SNX29: variants seen among roughly 807,000 people sequenced by gnomAD.
SNX29 encodes the protein sorting nexin-29.
Under a neutral mutation model 102.1 loss-of-function variants are expected in SNX29, and 78 were observed. The observed-to-expected ratio is 0.76, with a 90% CI of 0.64 to 0.92. SNX29 has a LOEUF of 0.92. Ranked by LOEUF, SNX29 falls within the 40% of genes least tolerant of loss-of-function variation. The probability of loss-of-function intolerance (pLI) is 0.00; values close to 1 mark genes in which losing one functional copy is unlikely to be tolerated. For missense variants in SNX29, 1,280 were observed against 1,061.7 expected (o/e 1.21, Z -2.86); for synonymous variants, 580 against 414.5 (o/e 1.40, Z -4.85).
intron 18 of SNX29, among the ~76,000 whole-genome samples, chr16:12,414,723 A>G (rs1392902965): frequency 6.6e-6 from 1 of 151,926 alleles, no homozygotes; most frequent in Non-Finnish European, 1.5e-5. Context: ...ATTTGTTGGT[A>G]TGTATGTATG....
intron 19 of SNX29, among the ~76,000 whole-genome samples, chr16:12,503,154 C>T (rs1056021324): frequency 1.3e-5 from 2 of 152,124 alleles, no homozygotes; most frequent in Non-Finnish European, 2.9e-5. Flanking sequence ...CTGCCCATAC[C>T]CTGCTGGGTG....
Position 12,245,076 on chromosome 16 carries a change from C to T in SNX29, c.1679-32857C>T, listed in dbSNP as rs543687732. On this transcript the variant is annotated intron_variant, in intron 14 of 20. Coordinates refer to ENST00000566228, the MANE Select transcript of SNX29 (RefSeq NM_032167.5). ...ACAGTGATAGAAAACATTGATTCCC[C>T]GCCCCCCTAACAAAAATTACTCCTA... 1.2e-4 allele frequency among the ~76,000 whole-genome samples: 19 copies of T among 152,218 alleles called. No individual in the cohort carries two copies. The South Asian group carries it at 2.3e-3, about 18-fold the overall frequency.
rs546745930 is a variant in SNX29, at chr16:12,529,474, C to T, written c.2318+4633C>T. 3.3e-5 allele frequency among the ~76,000 whole-genome samples: 5 copies of T among 152,298 alleles called. No homozygotes were observed. In the East Asian group the frequency reaches 9.6e-4, roughly 29 times the overall value. On this transcript the variant is annotated intron_variant, in intron 20 of 20. Coordinates refer to ENST00000566228, the MANE Select transcript of SNX29 (RefSeq NM_032167.5). ...CTGGACCGCAAATCGGTGACAGCTT[C>T]AGTGATTTGCCGTGCTGTCATTTAG...
At chr16:12,426,978 T>A (rs2085106622) in intron 18 of SNX29, among the ~76,000 whole-genome samples, 1 of 152,230 alleles carries the variant, frequency 6.6e-6, no homozygotes. Context: ...GTATTGTAGA[T>A]CTAATATGTC....
intron 18 of SNX29, among the ~76,000 whole-genome samples, chr16:12,421,508 A>T (rs1246815821): frequency 6.6e-6 from 1 of 152,224 alleles, no homozygotes; most frequent in South Asian, 2.1e-4. Flanking sequence ...CTTAACACAT[A>T]TAGGGTGTTC....
chr16:12,216,870 G>C (rs1381829006), intron 14 of SNX29, among the ~76,000 whole-genome samples: 2 of 152,190 alleles, frequency 1.3e-5, no homozygotes, highest in African/African-American at 4.8e-5. Flanking sequence ...CTCTTCTGCA[G>C]TTTGCCCACG....
At chr16:12,548,353 C>T (rs908353386) in intron 20 of SNX29, among the ~76,000 whole-genome samples, 31 of 152,224 alleles carry the variant, frequency 2.0e-4, no homozygotes, top group African/African-American at 7.2e-4. Context: ...ACAGTGGGCA[C>T]TCTGCACCCA....
intron 18 of SNX29, among the ~76,000 whole-genome samples, chr16:12,416,778 C>A (rs1351456062): frequency 6.6e-6 from 1 of 152,118 alleles, no homozygotes; most frequent in African/African-American, 2.4e-5. Context: ...ACCACCAGCC[C>A]TCACATGGAC....
chr16:12,389,360 CG>C (rs559028331), intron 16 of SNX29, among the ~76,000 whole-genome samples: 3 of 152,248 alleles, frequency 2.0e-5, no homozygotes, highest in Non-Finnish European at 4.4e-5. Flanking sequence ...AATCGAATCA[CG>C]GGGGCGGTTT....
At chr16:12,424,125 A>G (rs888564613) in intron 18 of SNX29, among the ~76,000 whole-genome samples, 2 of 152,194 alleles carry the variant, frequency 1.3e-5, no homozygotes, top group Non-Finnish European at 1.5e-5. Flanking sequence ...TAAGAGGATG[A>G]CTTTGTACTT....
intron 13 of SNX29, among the ~76,000 whole-genome samples, chr16:12,178,444 G>A (rs1051334592): frequency 6.6e-6 from 1 of 152,140 alleles, no homozygotes; most frequent in African/African-American, 2.4e-5. Context: ...CAGTCAGGAC[G>A]GCACCCAGCT....
rs1161501074 is a variant in SNX29 at position 12,568,586 on chromosome 16, C to T, written c.2399C>T (p.Pro800Leu). The T allele has an allele frequency of 3.1e-6, 5 of 1,606,574 alleles. No homozygotes were observed. The highest frequency in any genetic ancestry group is 3.3e-5 in the Admixed American group (2 of 60,006). Residue 800 changes from proline to leucine, a missense_variant, in exon 21 of 21, where the codon CCC becomes CTC. Pro to Leu is a moderately conservative substitution (Grantham distance 98). Transcript: ENST00000566228. ...SRFPKLSRGQ[P>L]RETRNVEPQS... ...TTCCCCAAACTGTCCCGGGGTCAGC[C>T]CCGGGAGACCCGCAACGTGGAGCCC...
chr16:12,414,457 C>A (rs1280641509), intron 18 of SNX29, among the ~76,000 whole-genome samples: 1 of 152,170 alleles, frequency 6.6e-6, no homozygotes, highest in African/African-American at 2.4e-5. Flanking sequence ...TAAGTGGGAC[C>A]TTCTAAGTGT....
chr16:12,471,248 G>A (rs1000273949), intron 18 of SNX29, among the ~76,000 whole-genome samples: 27 of 152,192 alleles, frequency 1.8e-4, no homozygotes, highest in African/African-American at 6.5e-4. Flanking sequence ...ACCCGCTTAT[G>A]GGAGTGCATG....
In SNX29 at chr16:12,569,115, G is replaced by A. The variant is rs1192910252; in HGVS notation, c.*486G>A. ...TACCTGGCCTAACCTAGGGATGGCT[G>A]GCTTTGCGGGGGGGGGGGGGGGGGG... is the stretch of plus-strand genomic sequence containing the variant. On this transcript the variant is annotated 3_prime_UTR_variant, in exon 21 of 21. Coordinates refer to ENST00000566228, the MANE Select transcript of SNX29 (RefSeq NM_032167.5). 4.5e-5 allele frequency: 2 copies of A among 44,184 alleles called. No individual in the cohort carries two copies. The highest frequency in any genetic ancestry group is 1.2e-4 in the Non-Finnish European group (2 of 17,372). 2.7% of individuals were successfully genotyped at this position (44,184 alleles called of 1,614,324 possible).
chr16:12,462,954 C>T (rs1365684282), intron 18 of SNX29, among the ~76,000 whole-genome samples: 1 of 152,200 alleles, frequency 6.6e-6, no homozygotes, highest in Non-Finnish European at 1.5e-5. Flanking sequence ...TCGCTGGATC[C>T]CCCAGCAGCT....
At chr16:12,566,938 G>A (rs910773369) in intron 20 of SNX29, among the ~76,000 whole-genome samples, 1 of 152,238 alleles carries the variant, frequency 6.6e-6, no homozygotes, top group Admixed American at 6.5e-5. Flanking sequence ...TAGCTTATCA[G>A]GGTGTCAAAC....
chr16:12,466,535 C>T (rs969256292), intron 18 of SNX29, among the ~76,000 whole-genome samples: 3 of 152,204 alleles, frequency 2.0e-5, no homozygotes, highest in African/African-American at 4.8e-5. Context: ...TGTGGCACCC[C>T]CCCTTCCAGA....
chr16:12,258,511 G>T (rs1475771789), intron 14 of SNX29, among the ~76,000 whole-genome samples: 5 of 152,126 alleles, frequency 3.3e-5, no homozygotes. Context: ...CATAGAAATT[G>T]TTACTCCCGG....
Sources: allele counts gnomAD v4.1 joint callset (sites outside exome capture counted in the v4.1 genomes callset), GRCh38; gene constraint gnomAD v4.1.1; transcripts MANE v1.5; gene names NCBI Gene and HGNC (gene_info 2026-07-23, HGNC 2026-07-21).